Variants in TYW1 observed in about 807,000 individuals in gnomAD.
TYW1 encodes S-adenosyl-L-methionine-dependent tRNA 4-demethylwyosine synthase TYW1.
TYW1 carries 46 observed loss-of-function variants against 96.2 expected under a neutral mutation model. The observed-to-expected ratio is 0.48, with a 90% CI of 0.38 to 0.61. The LOEUF is 0.61. TYW1 is among the 20% of genes least tolerant of loss of function. The pLI is 0.00. For missense variants in TYW1, 684 were observed against 909.6 expected (o/e 0.75, Z 3.19); for synonymous variants, 274 against 323.0 (o/e 0.85, Z 1.63).
chr7:67,164,981 A>G (rs1799276681), intron 13 of TYW1, among the ~76,000 whole-genome samples: 1 of 144,674 alleles, frequency 6.9e-6, no homozygotes. Context: ...AAATGCAATT[A>G]CTAGGTCAAC....
Position 67,062,037 on chromosome 7 carries a change from A to G in TYW1, c.1156-5248A>G, listed in dbSNP as rs1171817494. Among the ~76,000 whole-genome samples the G allele has an allele frequency of 3.3e-5, 5 of 152,306 alleles. No individual in the cohort carries two copies. In the South Asian group the frequency reaches 1.0e-3, roughly 32 times the overall value. On this transcript the variant is annotated intron_variant, in intron 9 of 15. Transcript: ENST00000359626. ...TTGGCCATTAACAGTTTTATGCACC[A>G]ATCAGTTTTTAAAATATATTAGAGT...
intron 13 of TYW1, among the ~76,000 whole-genome samples, chr7:67,158,062 T>G (rs1799041909): frequency 6.6e-6 from 1 of 151,812 alleles, no homozygotes; most frequent in Non-Finnish European, 1.5e-5. Flanking sequence ...AAGTTCCTCT[T>G]AATTCCTTGT....
At chr7:67,037,429 AGAAGGC>A (rs1794874448) in intron 7 of TYW1, among the ~76,000 whole-genome samples, 2 of 151,560 alleles carry the variant, frequency 1.3e-5, no homozygotes, top group African/African-American at 4.9e-5. Context: ...CCTTGAACCC[AGAAGGC>A]GGAGGTTGCA....
intron 13 of TYW1, among the ~76,000 whole-genome samples, chr7:67,136,254 G>C (rs1798251098): frequency 6.6e-6 from 1 of 152,166 alleles, no homozygotes; most frequent in African/African-American, 2.4e-5. Context: ...GAACACAGAA[G>C]TTAGTCCTGC....
intron 15 of TYW1, among the ~76,000 whole-genome samples, chr7:67,224,304 T>C (rs561897807): frequency 5.3e-5 from 8 of 152,326 alleles, no homozygotes; most frequent in African/African-American, 1.7e-4. Context: ...ATTTTGTATT[T>C]TTAGTAGAGA....
At chr7:67,047,157 C>T (rs1313421445) in intron 7 of TYW1, among the ~76,000 whole-genome samples, 2 of 152,186 alleles carry the variant, frequency 1.3e-5, no homozygotes, top group Non-Finnish European at 2.9e-5. Flanking sequence ...ATTATAAAGA[C>T]TTGCTATAGA....
At chr7:67,072,246 CA>C (rs1157310225) in intron 10 of TYW1, among the ~76,000 whole-genome samples, 2 of 137,574 alleles carry the variant, frequency 1.5e-5, no homozygotes, top group African/African-American at 2.8e-5. Context: ...CCCCTCTACC[CA>C]CTTTTTTTTT....
intron 13 of TYW1, among the ~76,000 whole-genome samples, chr7:67,169,643 C>T (rs1264196770): frequency 6.6e-6 from 1 of 152,248 alleles, no homozygotes; most frequent in Non-Finnish European, 1.5e-5. Context: ...TTGTGATCCA[C>T]CTGCCTTGGC....
chr7:67,036,225 G>T (rs1445494690), intron 7 of TYW1, among the ~76,000 whole-genome samples: 2 of 150,346 alleles, frequency 1.3e-5, no homozygotes, highest in African/African-American at 4.8e-5. Context: ...AGGTTTCTTC[G>T]GAATCCTATT....
At chr7:67,237,875 T>C (rs1490546640) in intron 15 of TYW1, among the ~76,000 whole-genome samples, 2 of 152,094 alleles carry the variant, frequency 1.3e-5, no homozygotes, top group Non-Finnish European at 2.9e-5. Flanking sequence ...TGATGAAACC[T>C]TCACTAATAA....
At chr7:67,013,280 G>T (rs1324611247) in intron 4 of TYW1, among the ~76,000 whole-genome samples, 1 of 151,698 alleles carries the variant, frequency 6.6e-6, no homozygotes, top group African/African-American at 2.4e-5. Context: ...CCACTACCAC[G>T]CTTGCCTAGT....
chr7:67,225,871 T>C (rs981479380), intron 15 of TYW1, among the ~76,000 whole-genome samples: 5 of 150,882 alleles, frequency 3.3e-5, no homozygotes. Context: ...ACTGTTACCA[T>C]GTGAATCCTA....
intron 1 of TYW1, among the ~76,000 whole-genome samples, chr7:66,997,555 TC>T (rs1404411349): frequency 2.6e-5 from 4 of 152,256 alleles, no homozygotes; most frequent in Non-Finnish European, 4.4e-5. Flanking sequence ...TTCTGTTTTT[TC>T]TTTGAGTTAG....
rs565894058 is a variant in TYW1 at position 67,017,922 on chromosome 7, G to T, written c.640G>T (p.Asp214Tyr). Reference protein sequence around the residue: ...AHRVMSRGEGDCDVVKSKHGS... With the variant: ...AHRVMSRGEGYCDVVKSKHGS... ...TCGTGTGATGAGTCGAGGGGAGGGC[G>T]ACTGCGACGTGGTTAAAAGCAAGCA... Residue 214 changes from aspartate (D) to tyrosine (Y), a missense_variant, in exon 6 of 16, where the codon GAC becomes TAC. Physicochemically the swap from Asp to Tyr is radical, Grantham distance 160. Transcript: ENST00000359626. 1 of 1,614,134 alleles carries T rather than the reference G, an allele frequency of 6.2e-7. No homozygotes were observed. The highest frequency in any genetic ancestry group is 8.5e-7 in the Non-Finnish European group (1 of 1,180,026).
At chr7:67,082,232 T>TTCC (rs1418543736) in intron 10 of TYW1, among the ~76,000 whole-genome samples, 3 of 152,176 alleles carry the variant, frequency 2.0e-5, no homozygotes, top group Admixed American at 6.6e-5. Flanking sequence ...GCACATCTGG[T>TTCC]ATAACAGTCA....
At chr7:67,216,456 C>T (rs1465042882) in intron 15 of TYW1, among the ~76,000 whole-genome samples, 1 of 138,976 alleles carries the variant, frequency 7.2e-6, no homozygotes, top group South Asian at 2.4e-4. Flanking sequence ...CTAGTTCAGC[C>T]GAGATCGGGT....
At chr7:67,049,098 G>T (rs570505688) in intron 7 of TYW1, among the ~76,000 whole-genome samples, 69 of 152,340 alleles carry the variant, frequency 4.5e-4, no homozygotes, top group African/African-American at 1.7e-3. Flanking sequence ...ATGGCTCTCA[G>T]GGTGGCTTAG....
At chr7:67,113,069 G>C (rs113111427) in intron 12 of TYW1, among the ~76,000 whole-genome samples, 41,416 of 151,588 alleles carry the variant, frequency 0.27, 6,404 homozygotes, top group African/African-American at 0.42. Flanking sequence ...TTGGACATCC[G>C]TGGAAATGAT....
intron 13 of TYW1, among the ~76,000 whole-genome samples, chr7:67,162,313 CAAAAAAAAA>C (rs60661089): frequency 0.32 from 32,353 of 102,462 alleles, 3,845 homozygotes; most frequent in South Asian, 0.41. Flanking sequence ...GACTCTGTCT[CAAAAAAAAA>C]AAAAAAAAAA....
Sources: allele counts gnomAD v4.1 joint callset (sites outside exome capture counted in the v4.1 genomes callset), GRCh38; gene constraint gnomAD v4.1.1; transcripts MANE v1.5; gene names NCBI Gene and HGNC (gene_info 2026-07-23, HGNC 2026-07-21).